NAV2: variants seen among roughly 807,000 people sequenced by gnomAD.
NAV2 encodes neuron navigator 2.
In NAV2, 54 loss-of-function variants were observed where a neutral mutation model predicts 223.2. The observed-to-expected ratio is 0.24, with a 90% CI of 0.19 to 0.30. The LOEUF is 0.30. Among genes scored for constraint, NAV2 ranks in the 10% least tolerant of loss-of-function variants. The pLI, the probability that NAV2 is intolerant of heterozygous loss-of-function variation, is 1.00. For missense variants in NAV2, 2,806 were observed against 3,147.5 expected, an observed-to-expected ratio of 0.89 and a Z score of 2.60; for synonymous variants, 1,279 against 1,239.3, an observed-to-expected ratio of 1.03 and a Z score of -0.67.
At chr11:19,937,830 A>G (rs1274139513) in intron 7 of NAV2, among the ~76,000 whole-genome samples, 1 of 152,198 alleles carries the variant, frequency 6.6e-6, no homozygotes, top group African/African-American at 2.4e-5. Flanking sequence ...AATCTAGTTG[A>G]GGAAAGATTT....
chr11:19,976,523 T>C (rs1217823461), intron 10 of NAV2, among the ~76,000 whole-genome samples: 2 of 152,254 alleles, frequency 1.3e-5, no homozygotes, highest in Non-Finnish European at 2.9e-5. Flanking sequence ...CTTTTCCTGC[T>C]GCTGCCTCTG....
chr11:19,983,954 A>G (rs1281169714), intron 10 of NAV2, among the ~76,000 whole-genome samples, 171 bp from the exon 11 acceptor site: 1 of 152,038 alleles, frequency 6.6e-6, no homozygotes, highest in African/African-American at 2.4e-5. Flanking sequence ...TCTAGGTTGG[A>G]TCAGCAGCTG....
intron 1 of NAV2, among the ~76,000 whole-genome samples, chr11:19,398,375 CT>C (rs1438351476): frequency 1.3e-5 from 2 of 152,162 alleles, no homozygotes; most frequent in African/African-American, 4.8e-5. Flanking sequence ...ATCCAATCAC[CT>C]CCCACCAGGC....
rs946914742 is a variant in NAV2 at position 20,119,291 on chromosome 11, T to C, written c.*1033T>C. 2.6e-5 allele frequency: 4 copies of C among 152,110 alleles called. No homozygotes were observed. Among genetic ancestry groups the C allele is most frequent in the Admixed American group, 2.0e-4 (3 of 15,280 alleles). 9.4% of individuals were successfully genotyped at this position (152,110 alleles called of 1,614,324 possible). A position where few individuals can be genotyped will look rare whatever the true frequency, so the allele number is the denominator to read the frequency against. ...GTCCTGCTCAGTTTTGGTTTTTAGT[T>C]GTCCATCCTCACAGTCCTACACACT... On this transcript the variant is annotated 3_prime_UTR_variant, in exon 38 of 38. Transcript: ENST00000349880.
intron 8 of NAV2, among the ~76,000 whole-genome samples, chr11:19,945,080 TTTCTCTTTTC>T (rs2153352574): frequency 6.9e-6 from 1 of 143,894 alleles, no homozygotes; most frequent in South Asian, 2.3e-4. Flanking sequence ...TTCCTTTTCT[TTTCTCTTTTC>T]TTCTCTTCTC....
chr11:19,744,098 T>C (rs1490143044), intron 1 of NAV2, among the ~76,000 whole-genome samples: 2 of 152,252 alleles, frequency 1.3e-5, no homozygotes, highest in African/African-American at 4.8e-5. Context: ...GTGGTGTGAT[T>C]GTTCCCATAT....
chr11:19,568,081 G>A (rs1020849265), intron 1 of NAV2, among the ~76,000 whole-genome samples: 7 of 152,252 alleles, frequency 4.6e-5, no homozygotes, highest in Non-Finnish European at 1.0e-4. Flanking sequence ...CTCGGTAAAT[G>A]TTGAATGGAT....
At chr11:19,651,204 T>C (rs992709422) in intron 1 of NAV2, among the ~76,000 whole-genome samples, 2 of 152,200 alleles carry the variant, frequency 1.3e-5, no homozygotes, top group African/African-American at 4.8e-5. Flanking sequence ...AGAGACCCTC[T>C]TGACACACTT....
chr11:19,705,460 T>C (rs115507734), intron 1 of NAV2, among the ~76,000 whole-genome samples: 2,233 of 152,286 alleles, frequency 0.015, 52 homozygotes, highest in African/African-American at 0.039. Context: ...GGTCATTCTA[T>C]CTCACATCAA....
chr11:19,798,893 C>A (rs958666253), intron 1 of NAV2, among the ~76,000 whole-genome samples: 1 of 152,158 alleles, frequency 6.6e-6, no homozygotes, highest in Non-Finnish European at 1.5e-5. Context: ...GAAACAAAAT[C>A]CCTAAATTTA....
chr11:20,029,141 C>A (rs1446293778), intron 11 of NAV2, among the ~76,000 whole-genome samples: 1 of 152,218 alleles, frequency 6.6e-6, no homozygotes, highest in Non-Finnish European at 1.5e-5. Flanking sequence ...TGCCCACTTG[C>A]CTTTGTACCA....
chr11:19,902,161 C>T (rs1346601446), intron 6 of NAV2, among the ~76,000 whole-genome samples: 2 of 152,194 alleles, frequency 1.3e-5, no homozygotes, highest in Non-Finnish European at 2.9e-5. Flanking sequence ...CCTTACTCCA[C>T]CCTAGCTTTT....
chr11:20,088,624 A>T, intron 26 of NAV2, among the ~76,000 whole-genome samples: 1 of 152,200 alleles, frequency 6.6e-6, no homozygotes, highest in Non-Finnish European at 1.5e-5. Flanking sequence ...TCAGTTTGGT[A>T]CCGTTTGTAA....
At chr11:20,046,758 T>C (rs2057482190) in intron 14 of NAV2, among the ~76,000 whole-genome samples, 3 of 152,228 alleles carry the variant, frequency 2.0e-5, no homozygotes, top group Non-Finnish European at 4.4e-5. Context: ...GTTTAAAGTT[T>C]CTTTTAAATT....
intron 1 of NAV2, among the ~76,000 whole-genome samples, chr11:19,604,597 A>G (rs2135274010): frequency 6.6e-6 from 1 of 152,232 alleles, no homozygotes; most frequent in South Asian, 2.1e-4. Flanking sequence ...CAATGCTCTA[A>G]CTACCTCATG....
At chr11:19,953,221 C>G (rs1234938891) in intron 10 of NAV2, among the ~76,000 whole-genome samples, 2 of 152,080 alleles carry the variant, frequency 1.3e-5, no homozygotes, top group African/African-American at 4.8e-5. Context: ...AAAAAATGAC[C>G]CTTTAAATAT....
intron 1 of NAV2, among the ~76,000 whole-genome samples, chr11:19,596,246 A>G (rs773674511): frequency 6.6e-6 from 1 of 152,192 alleles, no homozygotes; most frequent in Non-Finnish European, 1.5e-5. Context: ...ACCAGAGCCT[A>G]TGAGCTGCTA....
intron 1 of NAV2, among the ~76,000 whole-genome samples, chr11:19,512,924 T>C (rs373826125): frequency 6.6e-6 from 1 of 152,206 alleles, no homozygotes; most frequent in Non-Finnish European, 1.5e-5. Flanking sequence ...AGTAAAATAG[T>C]GAATCCCTTT....
At chr11:19,682,417 G>C (rs2048905002) in intron 1 of NAV2, among the ~76,000 whole-genome samples, 1 of 152,198 alleles carries the variant, frequency 6.6e-6, no homozygotes, top group Admixed American at 6.5e-5. Flanking sequence ...GTGGAAATGA[G>C]CACTGCGGTC....
Sources: allele counts gnomAD v4.1 joint callset (sites outside exome capture counted in the v4.1 genomes callset), GRCh38; gene constraint gnomAD v4.1.1; transcripts MANE v1.5; gene names NCBI Gene and HGNC (gene_info 2026-07-23, HGNC 2026-07-21).